CNTNAP4: variants seen among roughly 807,000 people sequenced by gnomAD.
CNTNAP4 encodes contactin-associated protein-like 4.
In CNTNAP4, 98 loss-of-function variants were observed where a neutral mutation model predicts 148.4. The ratio of observed to expected loss-of-function variants is 0.66; its 90% CI spans 0.56 to 0.78. The LOEUF (loss-of-function observed/expected upper bound fraction) is 0.78, where lower values mean the gene tolerates loss of function less well. Ranked by LOEUF, CNTNAP4 falls within the 30% of genes least tolerant of loss-of-function variation. The pLI, the probability that CNTNAP4 is intolerant of heterozygous loss-of-function variation, is 0.00. For synonymous variants in CNTNAP4, 730 were observed against 565.1 expected (o/e 1.29, Z -4.14); for missense variants, 1,935 against 1,565.6 (o/e 1.24, Z -3.98).
intron 21 of CNTNAP4, among the ~76,000 whole-genome samples, chr16:76,548,717 CAT>C (rs2084842999): frequency 6.6e-6 from 1 of 152,154 alleles, no homozygotes; most frequent in Non-Finnish European, 1.5e-5. Context: ...ACACCTAAAA[CAT>C]GACTGTTTTA....
intron 3 of CNTNAP4, among the ~76,000 whole-genome samples, chr16:76,380,442 T>G (rs1299723109): frequency 6.6e-6 from 1 of 152,200 alleles, no homozygotes; most frequent in African/African-American, 2.4e-5. Context: ...ATTCCAAGAT[T>G]ACTTTGAAAT....
chr16:76,392,238 C>A (rs2078048431), intron 3 of CNTNAP4, among the ~76,000 whole-genome samples: 1 of 152,170 alleles, frequency 6.6e-6, no homozygotes, highest in South Asian at 2.1e-4. Flanking sequence ...AAGTGATCTG[C>A]CTGCCTTGGC....
At chr16:76,507,520 C>T (rs2082873601) in intron 15 of CNTNAP4, among the ~76,000 whole-genome samples, 1 of 97,044 alleles carries the variant, frequency 1.0e-5, no homozygotes, top group African/African-American at 2.6e-5. Flanking sequence ...ATAATGACCT[C>T]CAGTTCCATC....
At chr16:76,397,335 C>T (rs185012818) in intron 3 of CNTNAP4, among the ~76,000 whole-genome samples, 41 of 151,930 alleles carry the variant, frequency 2.7e-4, no homozygotes, top group Admixed American at 2.4e-3. Flanking sequence ...TAGTGATCCC[C>T]GAGCTACCAA....
intron 13 of CNTNAP4, 81 bp from the exon 14 acceptor site, chr16:76,494,829 T>C (rs2082343986): frequency 4.4e-6 from 6 of 1,367,588 alleles, no homozygotes; most frequent in Admixed American, 4.3e-5. Flanking sequence ...TTTTAATGAT[T>C]TTGGAAGAAA....
At chr16:76,541,395 AT>A (rs1315510698) in intron 21 of CNTNAP4, among the ~76,000 whole-genome samples, 1 of 152,138 alleles carries the variant, frequency 6.6e-6, no homozygotes, top group Non-Finnish European at 1.5e-5. Context: ...ATATGTTTGC[AT>A]TTTTTTACAC....
At chr16:76,284,986 ATAGT>A (rs1301950949) in intron 1 of CNTNAP4, among the ~76,000 whole-genome samples, 1 of 152,068 alleles carries the variant, frequency 6.6e-6, no homozygotes, top group Non-Finnish European at 1.5e-5. Flanking sequence ...TAGGGTCTTC[ATAGT>A]TAGTTCATAG....
chr16:76,361,551 A>T (rs565533227), intron 3 of CNTNAP4, among the ~76,000 whole-genome samples: 2 of 152,100 alleles, frequency 1.3e-5, no homozygotes, highest in African/African-American at 4.8e-5. Flanking sequence ...TTTAAAATCT[A>T]TTCATTTGCC....
At position 76,429,074 on chromosome 16, in the gene CNTNAP4, C is replaced by G. The variant is rs534383893; in HGVS notation, c.538+1475C>G. On this transcript the variant is annotated intron_variant, in intron 4 of 23. Transcript: ENST00000611870. ...TGAATAACAGAGATGAGTCAGTGGC[C>G]AACTAACCTCTCACTATCTGTCCGC... 2.8e-4 allele frequency among the ~76,000 whole-genome samples: 42 copies of G among 152,246 alleles called. 1 individual carries two copies. The highest frequency in any genetic ancestry group is 1.0e-3 in the African/African-American group (42 of 41,554).
intron 11 of CNTNAP4, among the ~76,000 whole-genome samples, chr16:76,477,373 T>C (rs555678642): frequency 6.6e-6 from 1 of 152,308 alleles, no homozygotes; most frequent in African/African-American, 2.4e-5. Flanking sequence ...ACTCTTAGTA[T>C]TACCTCCTAT....
At position 76,346,512 on chromosome 16, in the gene CNTNAP4, C is replaced by T. The variant is rs78878887; in HGVS notation, c.197-8806C>T. On this transcript the variant is annotated intron_variant, in intron 2 of 23. Transcript: ENST00000611870. ...TGGGATATTGCCAGTAGGCTCTCTCCGATGCATGATGTCATTTACTGAAAT... is the reference window on the plus strand; with the variant it reads ...TGGGATATTGCCAGTAGGCTCTCTCTGATGCATGATGTCATTTACTGAAAT... Among the ~76,000 whole-genome samples the T allele has an allele frequency of 1.4e-3, 214 of 151,762 alleles. 6 individuals carry two copies. In the East Asian group the frequency reaches 0.03, roughly 21 times the overall value.
chr16:76,320,619 A>G (rs1312953528), intron 2 of CNTNAP4, among the ~76,000 whole-genome samples: 2 of 152,166 alleles, frequency 1.3e-5, no homozygotes, highest in African/African-American at 4.8e-5. Flanking sequence ...AGTATAGCTT[A>G]AATTTTAATG....
intron 1 of CNTNAP4, among the ~76,000 whole-genome samples, chr16:76,306,765 G>A (rs192987478): frequency 1.0e-3 from 159 of 152,252 alleles, no homozygotes; most frequent in African/African-American, 3.7e-3. Context: ...AATGGTATTG[G>A]GAGGTATAAG....
intron 9 of CNTNAP4, among the ~76,000 whole-genome samples, chr16:76,466,712 A>G (rs1030264062): frequency 1.3e-5 from 2 of 152,074 alleles, no homozygotes; most frequent in Non-Finnish European, 2.9e-5. Context: ...TTAGAAAAAA[A>G]TCAATATAGA....
chr16:76,378,456 CA>C (rs2015646038), intron 3 of CNTNAP4, among the ~76,000 whole-genome samples: 1 of 152,054 alleles, frequency 6.6e-6, no homozygotes, highest in Admixed American at 6.5e-5. Context: ...CTGTGATTGT[CA>C]AGGGAAGTAT....
chr16:76,463,136 T>A (rs1282461745), intron 9 of CNTNAP4, among the ~76,000 whole-genome samples: 1 of 152,228 alleles, frequency 6.6e-6, no homozygotes, highest in Non-Finnish European at 1.5e-5. Context: ...TAAACCGGGC[T>A]GCTTATAAAA....
intron 21 of CNTNAP4, among the ~76,000 whole-genome samples, chr16:76,550,925 A>C (rs2084928869): frequency 6.6e-6 from 1 of 152,200 alleles, no homozygotes; most frequent in African/African-American, 2.4e-5. Flanking sequence ...TGGGTAATGA[A>C]GAAGAGCAAG....
intron 15 of CNTNAP4, among the ~76,000 whole-genome samples, chr16:76,516,171 T>G (rs765141275): frequency 7.0e-6 from 1 of 143,406 alleles, no homozygotes; most frequent in Non-Finnish European, 1.5e-5. Context: ...TAACTCCCAC[T>G]TACAAGTGAT....
intron 21 of CNTNAP4, among the ~76,000 whole-genome samples, chr16:76,549,353 C>T (rs570364353): frequency 3.3e-5 from 5 of 152,274 alleles, no homozygotes; most frequent in African/African-American, 1.2e-4. Flanking sequence ...GAGGTTTCTT[C>T]TTAGGGCTGT....
Sources: gnomAD v4.1 joint callset for allele counts (sites outside exome capture counted in the v4.1 genomes callset) on GRCh38, gnomAD v4.1.1 for gene constraint, MANE v1.5 for transcripts, NCBI Gene and HGNC (gene_info 2026-07-23, HGNC 2026-07-21) for gene names.